Variants in STIM1 observed in about 807,000 individuals in gnomAD.
STIM1 encodes stromal interaction molecule 1.
In STIM1, 25 loss-of-function variants were observed where a neutral mutation model predicts 74.7. The observed-to-expected ratio is 0.33, with a 90% CI of 0.24 to 0.47. The LOEUF (loss-of-function observed/expected upper bound fraction) is 0.47, where lower values mean the gene tolerates loss of function less well. STIM1 is among the 20% of genes least tolerant of loss of function. The pLI, the probability that STIM1 is intolerant of heterozygous loss-of-function variation, is 1.00. For synonymous variants in STIM1, 328 were observed against 348.8 expected (o/e 0.94, Z 0.66); for missense variants, 728 against 920.8 (o/e 0.79, Z 2.71).
At chr11:3,976,856 A>C (rs2093452448) in intron 2 of STIM1, among the ~76,000 whole-genome samples, 1 of 150,996 alleles carries the variant, frequency 6.6e-6, no homozygotes, top group Admixed American at 6.6e-5. Flanking sequence ...GTGCAGTGGT[A>C]CAGTCTTGGC....
rs368123643 is a variant in STIM1, at chr11:4,086,093, C to A, written c.1568-384C>A. ...AACATGTTTATGTATAAGTCCTTGT[C>A]TATGCTGTGAATTATTTCCTGAGGT... On this transcript the variant is annotated intron_variant, in intron 11 of 12. Transcript: ENST00000526596. 9.3e-5 allele frequency: 22 copies of A among 236,564 alleles called. 1 individual carries two copies. In the South Asian group the frequency reaches 1.1e-3, roughly 12 times the overall value. The allele number at this position is 236,564 out of a possible 1,614,324, so 14.7% of individuals were successfully genotyped here.
At chr11:4,062,883 G>GAA (rs35345437) in intron 5 of STIM1, among the ~76,000 whole-genome samples, 1 of 151,540 alleles carries the variant, frequency 6.6e-6, no homozygotes, top group Non-Finnish European at 1.5e-5. Flanking sequence ...TTGATGAATG[G>GAA]AAAAAAAATG....
intron 2 of STIM1, among the ~76,000 whole-genome samples, chr11:4,008,720 G>A (rs2093806671): frequency 6.6e-6 from 1 of 152,120 alleles, no homozygotes; most frequent in South Asian, 2.1e-4. Flanking sequence ...CTAGGACCAT[G>A]GAGACATGCC....
chr11:4,007,988 A>G (rs1280382192), intron 2 of STIM1, among the ~76,000 whole-genome samples: 4 of 152,068 alleles, frequency 2.6e-5, no homozygotes, highest in African/African-American at 9.7e-5. Flanking sequence ...CCTTTAAGAT[A>G]CCCCAAATTG....
chr11:3,873,445 C>CTTT (rs796543610), intron 1 of STIM1, among the ~76,000 whole-genome samples: 1 of 142,270 alleles, frequency 7.0e-6, no homozygotes, highest in Non-Finnish European at 1.5e-5. Context: ...AAATTAAAAA[C>CTTT]TTTTTTTTTT....
chr11:3,962,258 A>G (rs2093294454), intron 1 of STIM1, among the ~76,000 whole-genome samples: 4 of 152,062 alleles, frequency 2.6e-5, no homozygotes, highest in Admixed American at 2.6e-4. Context: ...AACTTTTCGA[A>G]GTCTCCACTG....
rs367888213 is a variant in STIM1, at chr11:4,059,372, A to G, written c.589A>G (p.Thr197Ala). 2.0e-5 allele frequency: 33 copies of G among 1,613,974 alleles called. No homozygotes were observed. Among genetic ancestry groups the G allele is most frequent in the Non-Finnish European group, 2.8e-5 (33 of 1,179,970 alleles). Residue 197 changes from threonine to alanine, a missense_variant, in exon 5 of 13, where the codon ACA becomes GCA. Thr to Ala is a moderately conservative substitution (Grantham distance 58). Transcript: ENST00000526596. ...RQKLQLKALDTVLFGPPLLTR... is the reference protein window; with the variant it reads ...RQKLQLKALDAVLFGPPLLTR... The stretch of plus-strand genomic sequence containing the variant: ...GAAGCTGCAGCTGAAGGCTCTGGAT[A>G]CAGTGCTCTTTGGGCCTCCTCTCTG...
At chr11:3,906,813 A>G (rs1199473507) in intron 1 of STIM1, among the ~76,000 whole-genome samples, 1 of 152,198 alleles carries the variant, frequency 6.6e-6, no homozygotes, top group Non-Finnish European at 1.5e-5. Context: ...ATAAAGCAAT[A>G]AGTAGATGTC....
chr11:3,990,030 C>T (rs2093595229), intron 2 of STIM1, among the ~76,000 whole-genome samples: 1 of 152,222 alleles, frequency 6.6e-6, no homozygotes, highest in Admixed American at 6.5e-5. Context: ...AAACCACATA[C>T]GCATTAGCTA....
chr11:4,027,834 T>C (rs1233096019), intron 3 of STIM1, among the ~76,000 whole-genome samples: 1 of 151,696 alleles, frequency 6.6e-6, no homozygotes, highest in Non-Finnish European at 1.5e-5. Flanking sequence ...GTTAGAGGAG[T>C]GGCAGTTCTT....
At position 3,895,747 on chromosome 11, in the gene STIM1, C is replaced by T. The variant is rs59259016; in HGVS notation, c.139+39338C>T. Among the ~76,000 whole-genome samples, 79 of 25,744 alleles carry T rather than the reference C, an allele frequency of 3.1e-3. 1 individual carries two copies. The highest frequency in any genetic ancestry group is 0.013 in the Middle Eastern group (1 of 78). 16.9% of individuals were successfully genotyped at this position (25,744 alleles called of 152,430 possible). A position where few individuals can be genotyped will look rare whatever the true frequency, so the allele number is the denominator to read the frequency against. On this transcript the variant is annotated intron_variant, in intron 1 of 12. Transcript: ENST00000526596. ...CTTTCTTTCTTTCTTTTTCTTTCTT[C>T]CTTCCTTCCTTCCTTCCTTCCTTCC...
intron 2 of STIM1, among the ~76,000 whole-genome samples, chr11:3,976,352 C>G (rs2135777892): frequency 1.3e-5 from 2 of 152,222 alleles, no homozygotes; most frequent in Middle Eastern, 6.8e-3. Context: ...GGGATGGAGA[C>G]TAGGTCAGTG....
At chr11:3,998,845 A>T (rs911258255) in intron 2 of STIM1, among the ~76,000 whole-genome samples, 1 of 152,194 alleles carries the variant, frequency 6.6e-6, no homozygotes, top group Non-Finnish European at 1.5e-5. Flanking sequence ...TTGGGGGTAT[A>T]AAAGATCATG....
At chr11:3,899,564 G>A (rs2092288968) in intron 1 of STIM1, among the ~76,000 whole-genome samples, 1 of 150,262 alleles carries the variant, frequency 6.7e-6, no homozygotes, top group African/African-American at 2.4e-5. Flanking sequence ...TTGAATAGGA[G>A]TGGTGAGAGA....
chr11:3,992,089 GTTTTTTTTTTTTT>G (rs75377604), intron 2 of STIM1, among the ~76,000 whole-genome samples: 2,920 of 95,462 alleles, frequency 0.031, 85 homozygotes, highest in Middle Eastern at 0.088. Context: ...CTGTTTTTTT[GTTTTTTTTTTTTT>G]TTTTTTTTTA....
At chr11:4,031,035 G>A (rs956516035) in intron 3 of STIM1, among the ~76,000 whole-genome samples, 6 of 152,148 alleles carry the variant, frequency 3.9e-5, no homozygotes, top group Non-Finnish European at 7.4e-5. Context: ...ACCCCTGAAA[G>A]TTTTCTCATA....
chr11:4,054,446 G>A (rs956534897), intron 3 of STIM1, among the ~76,000 whole-genome samples: 5 of 152,204 alleles, frequency 3.3e-5, no homozygotes, highest in Non-Finnish European at 7.3e-5. Flanking sequence ...GCCCGTTAGG[G>A]ACTGGGCTGC....
chr11:4,091,437 G>T lies in STIM1; in HGVS notation c.1790G>T (p.Gly597Val). The T allele has an allele frequency of 6.2e-7, 1 of 1,614,198 alleles. No individual in the cohort carries two copies. Reference sequence around the variant, plus strand: ...CGGCTGATCGAGGGGGTCCACCCAGGGTCTCTGGTGGAGAAACTGCCTGAC... The same window carrying T: ...CGGCTGATCGAGGGGGTCCACCCAGTGTCTCTGGTGGAGAAACTGCCTGAC... ...SHRLIEGVHP[G>V]SLVEKLPDSP... Residue 597 changes from glycine to valine, a missense_variant, in exon 13 of 13, where the codon GGG (glycine) becomes GTG (valine). By Grantham distance (109) the Gly-to-Val change is moderately radical. Transcript: ENST00000526596.
intron 1 of STIM1, among the ~76,000 whole-genome samples, chr11:3,939,094 T>G (rs921642464): frequency 6.6e-6 from 1 of 152,214 alleles, no homozygotes; most frequent in African/African-American, 2.4e-5. Context: ...TATAAAATAT[T>G]TAGACAAGAA....
Sources: gnomAD v4.1 joint callset for allele counts (sites outside exome capture counted in the v4.1 genomes callset) on GRCh38, gnomAD v4.1.1 for gene constraint, MANE v1.5 for transcripts, NCBI Gene and HGNC (gene_info 2026-07-23, HGNC 2026-07-21) for gene names.